Variants in ANK3 observed in about 807,000 individuals in gnomAD.
The protein encoded by ANK3 is ankyrin-3.
Under a neutral mutation model 370.9 loss-of-function variants are expected in ANK3, and 57 were observed. The observed-to-expected ratio is 0.15, with a 90% confidence interval of 0.12 to 0.19. The LOEUF (loss-of-function observed/expected upper bound fraction) is 0.19. Ranked by LOEUF, ANK3 falls within the 10% of genes least tolerant of loss-of-function variation. ANK3 has a pLI of 1.00. For synonymous variants in ANK3, 1,929 were observed against 1,946.3 expected (o/e 0.99, Z 0.23); for missense variants, 4,439 against 5,302.1 (o/e 0.84, Z 5.06).
At chr10:60,469,401 A>G (rs1595093153) in intron 2 of ANK3, among the ~76,000 whole-genome samples, 1 of 242 alleles carries the variant, frequency 4.1e-3, no homozygotes, top group South Asian at 0.25. Context: ...TTTAGTGTAT[A>G]TATATATGGT....
intron 1 of ANK3, among the ~76,000 whole-genome samples, chr10:60,630,351 T>A (rs764050479): frequency 6.6e-6 from 1 of 152,234 alleles, no homozygotes; most frequent in Admixed American, 6.5e-5. Context: ...TTATAAATTA[T>A]TTGGATGTAC....
At chr10:60,089,857 T>G (rs893067377) in intron 28 of ANK3, among the ~76,000 whole-genome samples, 4 of 152,146 alleles carry the variant, frequency 2.6e-5, no homozygotes, top group Admixed American at 2.0e-4. Context: ...TGTATTTAAG[T>G]TATATTTAAA....
At chr10:60,491,080 T>C (rs959948790) in intron 2 of ANK3, among the ~76,000 whole-genome samples, 9 of 152,238 alleles carry the variant, frequency 5.9e-5, no homozygotes, top group African/African-American at 2.2e-4. Context: ...ATGCATTTGA[T>C]GTTCATCTAT....
chr10:60,706,720 T>C lies in ANK3; in HGVS notation c.57+26543A>G, dbSNP rs186741566. The stretch of plus-strand genomic sequence containing the variant: ...GCTTTACATGTTATGAGTAGTAAGA[T>C]TATCTTTTCCTATGGCCTTCATTGT... On this transcript the variant is annotated intron_variant, in intron 1 of 43. Coordinates refer to the ANK3 transcript ENST00000373827. 1.6e-3 allele frequency among the ~76,000 whole-genome samples: 244 copies of C among 152,320 alleles called. 1 individual carries two copies. The highest frequency in any genetic ancestry group is 5.5e-3 in the African/African-American group (228 of 41,568).
chr10:60,616,743 A>G (rs143420232), intron 1 of ANK3, among the ~76,000 whole-genome samples: 1 of 152,156 alleles, frequency 6.6e-6, no homozygotes, highest in Non-Finnish European at 1.5e-5. Context: ...AACTTTTTTC[A>G]TGGCACTTGC....
chr10:60,710,638 A>G (rs1396654493), intron 1 of ANK3, among the ~76,000 whole-genome samples: 1 of 152,224 alleles, frequency 6.6e-6, no homozygotes, highest in African/African-American at 2.4e-5. Flanking sequence ...GCCATATATA[A>G]GAGGACCCAC....
intron 1 of ANK3, among the ~76,000 whole-genome samples, chr10:60,661,404 C>G (rs2078934170): frequency 6.6e-6 from 1 of 151,966 alleles, no homozygotes; most frequent in African/African-American, 2.4e-5. Flanking sequence ...AAGGTAATGC[C>G]CTTCGGGGAG....
chr10:60,427,995 A>C (rs2063927743), intron 2 of ANK3, among the ~76,000 whole-genome samples: 1 of 152,188 alleles, frequency 6.6e-6, no homozygotes, highest in South Asian at 2.1e-4. Context: ...CATGCACTTT[A>C]GAAGGCAATC....
chr10:60,700,068 T>C (rs976803446), intron 1 of ANK3, among the ~76,000 whole-genome samples: 1 of 152,174 alleles, frequency 6.6e-6, no homozygotes, highest in East Asian at 1.9e-4. Flanking sequence ...CTCTTTCCCA[T>C]ACCCACTCCT....
chr10:60,136,127 G>A (rs61011989), intron 24 of ANK3, among the ~76,000 whole-genome samples: 1,699 of 151,484 alleles, frequency 0.011, 39 homozygotes, highest in African/African-American at 0.039. Context: ...CCTTCTTTCC[G>A]CCATTCCTGT....
chr10:60,516,721 T>C (rs2076227634), intron 2 of ANK3, among the ~76,000 whole-genome samples: 1 of 152,106 alleles, frequency 6.6e-6, no homozygotes, highest in Non-Finnish European at 1.5e-5. Context: ...GAACTATGAT[T>C]GTGCCTGTGA....
At chr10:60,304,275 C>T (rs2044473550) in intron 1 of ANK3, among the ~76,000 whole-genome samples, 1 of 151,770 alleles carries the variant, frequency 6.6e-6, no homozygotes, top group Admixed American at 6.6e-5. Flanking sequence ...CACACACACA[C>T]ACAGCAAAAA....
intron 2 of ANK3, among the ~76,000 whole-genome samples, chr10:60,461,730 G>A (rs1218802583): frequency 6.6e-6 from 1 of 152,138 alleles, no homozygotes; most frequent in Non-Finnish European, 1.5e-5. Flanking sequence ...TGTTTGAAAT[G>A]ACTCCCCTGC....
At chr10:60,271,999 A>G (rs575651931) in intron 4 of ANK3, among the ~76,000 whole-genome samples, 1 of 151,804 alleles carries the variant, frequency 6.6e-6, no homozygotes, top group African/African-American at 2.4e-5. Flanking sequence ...ACCTGATAAT[A>G]TCTCTGGAGC....
At chr10:60,320,370 A>T (rs10821721) in intron 1 of ANK3, among the ~76,000 whole-genome samples, 90,831 of 152,066 alleles carry the variant, frequency 0.6, 27,381 homozygotes, top group South Asian at 0.76. Context: ...TAGGCAGGTG[A>T]ATCACTTGAG....
In ANK3 at chr10:60,074,305, C is replaced by T; in HGVS notation, c.6576G>A (p.Val2192=). 6.2e-7 allele frequency: 1 copy of T among 1,614,050 alleles called. No individual in the cohort carries two copies. The highest frequency in any genetic ancestry group is 8.5e-7 in the Non-Finnish European group (1 of 1,179,990). The change falls in exon 37 of 44, where the codon GTG becomes GTA. Residue 2192 remains valine, a synonymous_variant. Coordinates refer to ENST00000280772, the MANE Select transcript of ANK3 (RefSeq NM_020987.5). ...DVPQTQPEEP[V]SPKPSPTFME... is the part of the protein sequence containing the mutation. ...TAAAAGTAGGTGAAGGTTTAGGTGA[C>T]ACAGGCTCCTCTGGTTGGGTCTGGG...
intron 23 of ANK3, among the ~76,000 whole-genome samples, chr10:60,144,465 A>G (rs2094715747): frequency 1.3e-5 from 2 of 152,358 alleles, no homozygotes; most frequent in Middle Eastern, 3.4e-3. Context: ...ACATCTGTCA[A>G]TAAATTATCA....
At chr10:60,120,193 C>T (rs2093379026) in intron 25 of ANK3, among the ~76,000 whole-genome samples, 1 of 152,030 alleles carries the variant, frequency 6.6e-6, no homozygotes, top group African/African-American at 2.4e-5. Context: ...GACAAAGGTG[C>T]TAAGAACGTA....
At chr10:60,492,541 A>G (rs765521667) in intron 2 of ANK3, among the ~76,000 whole-genome samples, 8 of 151,404 alleles carry the variant, frequency 5.3e-5, no homozygotes, top group Non-Finnish European at 8.8e-5. Context: ...CCCCATCTTA[A>G]CCAAAAATAC....
Sources: gnomAD v4.1 joint callset for allele counts (sites outside exome capture counted in the v4.1 genomes callset) on GRCh38, gnomAD v4.1.1 for gene constraint, MANE v1.5 for transcripts, NCBI Gene and HGNC (gene_info 2026-07-23, HGNC 2026-07-21) for gene names.